The following CEP192 variants were observed in gnomAD, a reference collection of about 807,000 sequenced individuals.
CEP192 encodes centrosomal protein 192.
In CEP192, 151 loss-of-function variants were observed where a neutral mutation model predicts 271.8. The ratio of observed to expected loss-of-function variants is 0.56; its 90% CI spans 0.49 to 0.64. The LOEUF is 0.64. Among genes scored for constraint, CEP192 ranks in the 30% least tolerant of loss-of-function variants. The pLI is 0.00. For missense variants in CEP192, 2,910 were observed against 3,020.5 expected, an observed-to-expected ratio of 0.96 and a Z score of 0.86; for synonymous variants, 995 against 1,076.5, an observed-to-expected ratio of 0.92 and a Z score of 1.48.
chr18:13,014,028 A>G (rs975672403), intron 5 of CEP192, among the ~76,000 whole-genome samples: 1 of 152,176 alleles, frequency 6.6e-6, no homozygotes, highest in African/African-American at 2.4e-5. Context: ...TATGGCTGTT[A>G]TTTGTGCTAC....
In CEP192 at chr18:13,067,961, G is replaced by GTATGAAC. The variant is rs754102751; in HGVS notation, c.4614+6_4614+12dup. The GTATGAAC allele has an allele frequency of 6.2e-7, 1 of 1,606,256 alleles. No individual in the cohort carries two copies. Among genetic ancestry groups the GTATGAAC allele is most frequent in the African/African-American group, 1.3e-5 (1 of 74,876 alleles). On this transcript the variant is annotated splice_donor_region_variant and intron_variant, in intron 22 of 44. Coordinates refer to ENST00000506447, the MANE Select transcript of CEP192 (RefSeq NM_032142.4). The stretch of plus-strand genomic sequence containing the variant: ...ATTAGACTGATTATTAATGCTGTAA[G>GTATGAAC]TATGAACATACAGTAAGAAACCATT...
chr18:13,035,076 G>T (rs1270478031), intron 11 of CEP192, among the ~76,000 whole-genome samples: 1 of 152,104 alleles, frequency 6.6e-6, no homozygotes, highest in Non-Finnish European at 1.5e-5. Context: ...TTTCTTATTG[G>T]CTGTGATTGA....
intron 4 of CEP192, 46 bp downstream of exon 4, chr18:13,008,677 T>G (rs1398752593): frequency 7.2e-7 from 1 of 1,395,958 alleles, no homozygotes; most frequent in South Asian, 1.4e-5. Context: ...TGTTTTAATT[T>G]CCTTTTTCAT....
At chr18:12,994,372 G>A (rs928089002) in intron 1 of CEP192, among the ~76,000 whole-genome samples, 1 of 151,982 alleles carries the variant, frequency 6.6e-6, no homozygotes, top group East Asian at 1.9e-4. Flanking sequence ...CTGTGGTAGG[G>A]GTGGGCTTTG....
intron 32 of CEP192, among the ~76,000 whole-genome samples, chr18:13,088,454 C>T (rs986030031): frequency 6.6e-6 from 1 of 152,120 alleles, no homozygotes; most frequent in Non-Finnish European, 1.5e-5. Flanking sequence ...TAAATAAATA[C>T]ATACATACAT....
chr18:13,080,037 A>G (rs1251813379), intron 30 of CEP192, among the ~76,000 whole-genome samples: 3 of 152,110 alleles, frequency 2.0e-5, no homozygotes, highest in Non-Finnish European at 4.4e-5. Flanking sequence ...TGGTTACTGT[A>G]GGCTTGTAGT....
At chr18:13,067,691 A>T in intron 21 of CEP192, 140 bp from the exon 22 acceptor site, 1 of 614,052 alleles carries the variant, frequency 1.6e-6, no homozygotes, top group Non-Finnish European at 2.8e-6. Context: ...AGCAATTGTT[A>T]AATAGCCTGG....
intron 42 of CEP192, 77 bp from the exon 43 acceptor site, chr18:13,116,300 A>C: frequency 7.4e-7 from 1 of 1,356,890 alleles, no homozygotes; most frequent in Non-Finnish European, 1.0e-6. Flanking sequence ...GCAATACTAC[A>C]TAATTTTAAT....
chr18:13,079,507 G>T (rs1052486076), intron 30 of CEP192, among the ~76,000 whole-genome samples: 4 of 151,974 alleles, frequency 2.6e-5, no homozygotes, highest in Admixed American at 2.6e-4. Context: ...TTGTAAATTT[G>T]TTCAAGTTCT....
At chr18:13,114,409 C>T (rs944299886) in intron 42 of CEP192, among the ~76,000 whole-genome samples, 158 bp downstream of exon 42, 1 of 152,144 alleles carries the variant, frequency 6.6e-6, no homozygotes, top group African/African-American at 2.4e-5. Context: ...TCTTACGTGT[C>T]CCTTTGCAGT....
Position 13,017,247 on chromosome 18 carries a change from C to T in CEP192, c.700C>T (p.Leu234=), listed in dbSNP as rs776840637. 1.3e-6 allele frequency: 2 copies of T among 1,549,508 alleles called. No homozygotes were observed. Among genetic ancestry groups the T allele is most frequent in the Middle Eastern group, 1.7e-4 (1 of 5,724 alleles). ...DDHLEAYFEQ[L]AIPGMIYEDL... ...TCATTTGGAGGCTTATTTTGAACAA[C>T]TGGCAATTCCAGGAATGATATATGA... Residue 234 remains leucine, a synonymous_variant, in exon 7 of 45, where the codon CTG becomes TTG. Coordinates refer to ENST00000506447, the MANE Select transcript of CEP192 (RefSeq NM_032142.4).
At position 13,055,847 on chromosome 18, in the gene CEP192, C is replaced by G; in HGVS notation, c.3257C>G (p.Ala1086Gly). ...QGSPAALEER[A>G]MEKLREKVPF... ...AGTCCAGCCGCATTGGAGGAACGGG[C>G]TATGGAAAAATTGAGAGAAAAAGTT... Residue 1086 changes from alanine (A) to glycine (G), a missense_variant, in exon 19 of 45, where the codon GCT (alanine) becomes GGT (glycine). Physicochemically the swap from Ala to Gly is moderately conservative, Grantham distance 60. Coordinates refer to ENST00000506447, the MANE Select transcript of CEP192 (RefSeq NM_032142.4). The G allele has an allele frequency of 6.2e-7, 1 of 1,612,566 alleles. No individual in the cohort carries two copies. Among genetic ancestry groups the G allele is most frequent in the Non-Finnish European group, 8.5e-7 (1 of 1,179,420 alleles).
intron 36 of CEP192, among the ~76,000 whole-genome samples, chr18:13,098,578 G>A (rs1409141317): frequency 4.6e-4 from 70 of 150,752 alleles, no homozygotes; most frequent in African/African-American, 1.3e-3. Context: ...CATCTCAGAC[G>A]ATGGGCGGCC....
At chr18:13,024,825 A>G (rs1297731463) in intron 9 of CEP192, among the ~76,000 whole-genome samples, 2 of 151,876 alleles carry the variant, frequency 1.3e-5, no homozygotes, top group East Asian at 3.9e-4. Context: ...GCTCTAGTGC[A>G]GTGGTGCGAT....
Position 13,066,443 on chromosome 18 carries a change from T to G in CEP192, c.4489-1388T>G, listed in dbSNP as rs923313000. ...CTAGTGGCTTCTGATTTTTTGATAT[T>G]TAAAAATTTTTAATGTGAGCTCACA... On this transcript the variant is annotated intron_variant, in intron 21 of 44. Transcript: ENST00000506447. Among the ~76,000 whole-genome samples the G allele has an allele frequency of 3.9e-5, 6 of 152,324 alleles. No individual in the cohort carries two copies. In the East Asian group the frequency reaches 7.7e-4, roughly 20 times the overall value.
chr18:13,008,889 A>G (rs1398592854), intron 4 of CEP192, among the ~76,000 whole-genome samples: 3 of 151,752 alleles, frequency 2.0e-5, no homozygotes, highest in Admixed American at 2.0e-4. Flanking sequence ...TGTGTTTTTA[A>G]TAGAGACAGG....
At chr18:13,082,783 T>C (rs12953783) in intron 30 of CEP192, among the ~76,000 whole-genome samples, 1 of 151,800 alleles carries the variant, frequency 6.6e-6, no homozygotes, top group African/African-American at 2.4e-5. Context: ...CCATGTTTAG[T>C]GCTTCCTTCA....
At chr18:13,017,757 A>G (rs564461032) in intron 7 of CEP192, among the ~76,000 whole-genome samples, 35 of 152,348 alleles carry the variant, frequency 2.3e-4, no homozygotes, top group Admixed American at 2.2e-3. Context: ...TAACTTTGAT[A>G]TAATAATTTA....
chr18:13,123,473 C>T (rs1338650250), intron 44 of CEP192, among the ~76,000 whole-genome samples: 1 of 152,196 alleles, frequency 6.6e-6, no homozygotes, highest in East Asian at 1.9e-4. Context: ...CCGGTGTACT[C>T]TTGTGCACCC....
Sources: allele counts gnomAD v4.1 joint callset (sites outside exome capture counted in the v4.1 genomes callset), GRCh38; gene constraint gnomAD v4.1.1; transcripts MANE v1.5; gene names NCBI Gene and HGNC (gene_info 2026-07-23, HGNC 2026-07-21).